Variants in DCAF5 observed in about 807,000 individuals in gnomAD.
DCAF5 encodes DDB1- and CUL4-associated factor 5.
In DCAF5, 9 loss-of-function variants were observed where a neutral mutation model predicts 80.7. The ratio of observed to expected loss-of-function variants is 0.11; its 90% CI spans 0.07 to 0.19. The LOEUF is 0.19. DCAF5 is among the 10% of genes least tolerant of loss of function. The pLI is 1.00. For missense variants in DCAF5, 842 were observed against 1,205.7 expected, an observed-to-expected ratio of 0.70 and a Z score of 4.47; for synonymous variants, 433 against 461.9, an observed-to-expected ratio of 0.94 and a Z score of 0.80.
rs377300374 is a variant in DCAF5 at position 69,116,344 on chromosome 14, C to T, written c.665+22G>A. On this transcript the variant is annotated intron_variant, in intron 5 of 8. Transcript: ENST00000341516. The stretch of plus-strand genomic sequence containing the variant: ...AATGAGGCAGAGGAAAGTTTTAACA[C>T]CTATGAATAAAGGGGGCTCACCTCT... 1.9e-5 allele frequency: 30 copies of T among 1,607,228 alleles called. No individual in the cohort carries two copies. In the African/African-American group the frequency reaches 3.3e-4, roughly 18 times the overall value.
chr14:69,096,148 T>G (rs781269931), intron 5 of DCAF5, among the ~76,000 whole-genome samples: 2 of 152,200 alleles, frequency 1.3e-5, no homozygotes, highest in African/African-American at 2.4e-5. Context: ...CAGTCCACAC[T>G]GGTCGCATTC....
chr14:69,137,102 T>C (rs978961122), intron 1 of DCAF5, among the ~76,000 whole-genome samples: 13 of 152,222 alleles, frequency 8.5e-5, no homozygotes, highest in African/African-American at 3.1e-4. Context: ...GTTTAAATTA[T>C]GAATGGGTGG....
intron 6 of DCAF5, chr14:69,084,850 T>A: frequency 8.8e-7 from 1 of 1,130,116 alleles, no homozygotes; most frequent in Non-Finnish European, 1.3e-6. Flanking sequence ...AACTGGACAT[T>A]ACTGAAGTCA....
chr14:69,111,848 A>G (rs1054391539), intron 5 of DCAF5, among the ~76,000 whole-genome samples: 16 of 152,284 alleles, frequency 1.1e-4, no homozygotes, highest in African/African-American at 3.6e-4. Context: ...CCTACACTCA[A>G]GCCTCTCCTC....
intron 1 of DCAF5, among the ~76,000 whole-genome samples, chr14:69,147,810 C>A (rs2041583479): frequency 6.6e-6 from 1 of 152,090 alleles, no homozygotes; most frequent in Non-Finnish European, 1.5e-5. Flanking sequence ...TATATTTAGT[C>A]ATAAGCACAC....
intron 6 of DCAF5, among the ~76,000 whole-genome samples, chr14:69,088,183 T>C (rs1439214142): frequency 1.3e-5 from 2 of 152,192 alleles, no homozygotes; most frequent in East Asian, 1.9e-4. Context: ...TTGCTGCCTG[T>C]CTTGCTCCTG....
intron 7 of DCAF5, among the ~76,000 whole-genome samples, chr14:69,067,631 C>T: frequency 6.6e-6 from 1 of 151,784 alleles, no homozygotes; most frequent in East Asian, 1.9e-4. Context: ...AGGTGTGAGC[C>T]ACCTAATCCA....
chr14:69,072,044 G>C (rs187909085), intron 7 of DCAF5, among the ~76,000 whole-genome samples: 2 of 152,296 alleles, frequency 1.3e-5, no homozygotes, highest in Admixed American at 1.3e-4. Context: ...ACAAGGCACA[G>C]CTGGGGGTGT....
chr14:69,051,688 C>T lies in DCAF5; in HGVS notation c.*2169G>A, dbSNP rs1458689325. 1 of 152,432 alleles carries T rather than the reference C, an allele frequency of 6.6e-6. No individual in the cohort carries two copies. Among genetic ancestry groups the T allele is most frequent in the East Asian group, 1.9e-4 (1 of 5,196 alleles). 9.4% of individuals were successfully genotyped at this position (152,432 alleles called of 1,614,324 possible). ...ATTGTAACTACCAAGTAGCTAGTTCCCAAGGGAACTTTAACTACTTCTTTT... is the reference window on the plus strand; with the variant it reads ...ATTGTAACTACCAAGTAGCTAGTTCTCAAGGGAACTTTAACTACTTCTTTT... On this transcript the variant is annotated 3_prime_UTR_variant, in exon 9 of 9. Coordinates refer to ENST00000341516, the MANE Select transcript of DCAF5 (RefSeq NM_003861.3).
In DCAF5 at chr14:69,099,251, AACACACACACACACAC is replaced by A. The variant is rs60913200; in HGVS notation, c.666-7380_666-7365del. On this transcript the variant is annotated intron_variant, in intron 5 of 8. Transcript: ENST00000341516. ...TGGCAACAGAGTGGGACTCTGTCTC[AACACACACACACACAC>A]ACACACACACACACACACACACACA... Among the ~76,000 whole-genome samples the A allele has an allele frequency of 1.1e-3, 141 of 124,350 alleles. 2 individuals carry two copies. In the South Asian group the frequency reaches 0.034, roughly 30 times the overall value. 81.6% of individuals were successfully genotyped at this position (124,350 alleles called of 152,430 possible).
At chr14:69,120,010 C>A (rs924592279) in intron 2 of DCAF5, among the ~76,000 whole-genome samples, 8 of 151,944 alleles carry the variant, frequency 5.3e-5, no homozygotes, top group African/African-American at 1.9e-4. Context: ...ATATTTCTAT[C>A]CTCATGGTCT....
chr14:69,105,914 C>CATATATATATATATATATATATATAT lies in DCAF5; in HGVS notation c.665+10426_665+10451dup, dbSNP rs35075766. Among the ~76,000 whole-genome samples, 179 of 49,924 alleles carry CATATATATATATATATATATATATAT rather than the reference C, an allele frequency of 3.6e-3. 3 individuals are homozygous for CATATATATATATATATATATATATAT. The highest frequency in any genetic ancestry group is 0.012 in the Middle Eastern group (1 of 84). 32.8% of individuals were successfully genotyped at this position (49,924 alleles called of 152,430 possible). A position where few individuals can be genotyped will look rare whatever the true frequency, so the allele number is the denominator to read the frequency against. ...GAGCCAATTTTCCCTAATAAACTGT[C>CATATATATATATATATATATATATAT]ATATATATATATATATATATATATA... is the stretch of plus-strand genomic sequence containing the variant. On this transcript the variant is annotated intron_variant, in intron 5 of 8. Transcript: ENST00000341516.
At chr14:69,078,527 C>T (rs947311159) in intron 6 of DCAF5, among the ~76,000 whole-genome samples, 1 of 152,166 alleles carries the variant, frequency 6.6e-6, no homozygotes, top group African/African-American at 2.4e-5. Flanking sequence ...TTTATAATGG[C>T]CAAGAGGTGG....
intron 5 of DCAF5, among the ~76,000 whole-genome samples, chr14:69,103,586 A>C (rs1384577367): frequency 6.6e-6 from 1 of 152,216 alleles, no homozygotes; most frequent in African/African-American, 2.4e-5. Flanking sequence ...CAATCCACAG[A>C]ATTTATTCAG....
intron 1 of DCAF5, among the ~76,000 whole-genome samples, chr14:69,124,515 C>T (rs953704550): frequency 6.6e-6 from 1 of 152,180 alleles, no homozygotes; most frequent in Non-Finnish European, 1.5e-5. Flanking sequence ...CTTCTTCCTT[C>T]CATTGTCAGT....
intron 5 of DCAF5, among the ~76,000 whole-genome samples, chr14:69,098,232 C>T (rs1479434557): frequency 1.3e-5 from 2 of 152,156 alleles, no homozygotes; most frequent in African/African-American, 4.8e-5. Flanking sequence ...AGCCGTAGTA[C>T]TTACAGATCC....
Position 69,054,358 on chromosome 14 carries a change from T to C in DCAF5, c.2328A>G (p.Glu776=). The change falls in exon 9 of 9, where the codon GAA becomes GAG. Residue 776 remains glutamate (E), a synonymous_variant. Coordinates refer to ENST00000341516, the MANE Select transcript of DCAF5 (RefSeq NM_003861.3). The part of the protein sequence containing the change: ...GNSGSVEHPF[E]TKKLNGKALS... ...GGGCCTTTCCATTGAGCTTCTTGGT[T>C]TCAAAAGGGTGCTCTACAGAGCCGC... 1 of 1,614,136 alleles carries C rather than the reference T, an allele frequency of 6.2e-7. No homozygotes were observed. The highest frequency in any genetic ancestry group is 8.5e-7 in the Non-Finnish European group (1 of 1,180,024).
At chr14:69,067,257 G>GA (rs982885735) in intron 7 of DCAF5, among the ~76,000 whole-genome samples, 8 of 148,428 alleles carry the variant, frequency 5.4e-5, no homozygotes, top group African/African-American at 1.5e-4. Context: ...AAGCATGCAG[G>GA]AAAAAAAAAT....
chr14:69,118,149 G>A lies in DCAF5; in HGVS notation c.525C>T (p.Ser175=). 2 of 1,613,878 alleles carry A rather than the reference G, an allele frequency of 1.2e-6. No homozygotes were observed. Among genetic ancestry groups the A allele is most frequent in the Non-Finnish European group, 8.5e-7 (1 of 1,179,838 alleles). Residue 175 remains serine, a synonymous_variant, in exon 4 of 9, where the codon TCC becomes TCT. Transcript: ENST00000341516. This position sits in a 1 kb window ranked among gnomAD's most constrained non-coding sequence, Gnocchi z 4.0. ...GCACAGTGAGCCTACCTCCATGGGG[G>A]GATTCCCGAATGTCCCAAATGAGAA... ...GRVLIWDIRE[S]PHGEPFCLAN...
Sources: gnomAD v4.1 joint callset for allele counts (sites outside exome capture counted in the v4.1 genomes callset) on GRCh38, gnomAD v4.1.1 for gene constraint, Gnocchi (gnomAD v3.1) non-coding constraint, MANE v1.5 for transcripts, NCBI Gene and HGNC (gene_info 2026-07-23, HGNC 2026-07-21) for gene names.